GKAP1: variants seen among roughly 807,000 people sequenced by gnomAD.
The protein encoded by GKAP1 is G kinase-anchoring protein 1.
In GKAP1, 31 loss-of-function variants were observed where a neutral mutation model predicts 56.7. That is an observed-to-expected ratio of 0.55 (90% CI 0.41 to 0.74). The LOEUF is 0.74. Ranked by LOEUF, GKAP1 falls within the 30% of genes least tolerant of loss-of-function variation. The pLI, the probability that GKAP1 is intolerant of heterozygous loss-of-function variation, is 0.00. For missense variants in GKAP1, 364 were observed against 402.3 expected (o/e 0.90, Z 0.82); for synonymous variants, 151 against 138.6 (o/e 1.09, Z -0.63).
chr9:83,768,345 T>G (rs1463040546), intron 8 of GKAP1, among the ~76,000 whole-genome samples: 4 of 152,144 alleles, frequency 2.6e-5, no homozygotes, highest in Non-Finnish European at 4.4e-5. Context: ...CTATTCATAC[T>G]CCATCCCAAA....
intron 8 of GKAP1, among the ~76,000 whole-genome samples, chr9:83,762,158 A>G (rs1021308194): frequency 3.3e-5 from 5 of 152,166 alleles, no homozygotes; most frequent in African/African-American, 1.2e-4. Context: ...GGAAAAACCT[A>G]AAGGCTCCAC....
chr9:83,811,481 AAAAC>A (rs1944505177), intron 2 of GKAP1, among the ~76,000 whole-genome samples: 1 of 152,238 alleles, frequency 6.6e-6, no homozygotes, highest in African/African-American at 2.4e-5. Context: ...AAGAAGTAAC[AAAAC>A]AAACACAAAG....
chr9:83,814,969 C>G (rs193123313), intron 2 of GKAP1, among the ~76,000 whole-genome samples: 250 of 152,014 alleles, frequency 1.6e-3, no homozygotes, highest in Admixed American at 3.3e-3. Flanking sequence ...GTCAAGAGAT[C>G]GAGACCATCC....
chr9:83,792,460 C>CA (rs1944176472), intron 4 of GKAP1, among the ~76,000 whole-genome samples: 3 of 152,252 alleles, frequency 2.0e-5, no homozygotes, highest in Admixed American at 2.0e-4. Flanking sequence ...ATTGTAATCT[C>CA]AGACAGCATA....
In GKAP1 at chr9:83,806,498, C is replaced by G; in HGVS notation, c.20G>C (p.Ser7Thr). Reference protein sequence around the residue: MASAVLSSVPTTASRFA... With the variant: MASAVLTSVPTTASRFA... ...ACGAGAAGCGGTGGTGGGAACAGAACTAAGTACTGCTGAGGCCATCGTAAA... is the reference window on the plus strand; with the variant it reads ...ACGAGAAGCGGTGGTGGGAACAGAAGTAAGTACTGCTGAGGCCATCGTAAA... Residue 7 changes from serine (S) to threonine (T), a missense_variant, in exon 3 of 13, where the codon AGT becomes ACT. By Grantham distance (58) the Ser-to-Thr change is moderately conservative. Coordinates refer to ENST00000376371, the MANE Select transcript of GKAP1 (RefSeq NM_025211.4). 4 of 1,613,988 alleles carry G rather than the reference C, an allele frequency of 2.5e-6. No homozygotes were observed. Among genetic ancestry groups the G allele is most frequent in the Non-Finnish European group, 3.4e-6 (4 of 1,179,940 alleles).
chr9:83,809,087 C>T (rs2131326442), intron 2 of GKAP1, among the ~76,000 whole-genome samples: 1 of 152,288 alleles, frequency 6.6e-6, no homozygotes, highest in East Asian at 1.9e-4. Flanking sequence ...AAGACTTACA[C>T]CTTACACAAA....
At position 83,814,545 on chromosome 9, in the gene GKAP1, C is replaced by T. The variant is rs143866893; in HGVS notation, c.-44+2451G>A. On this transcript the variant is annotated intron_variant, in intron 2 of 12. Transcript: ENST00000376371. ...ATTCTCTTTATTGTTGTGCCTAGCCCCTATGATCCTGATTTCAAGATCCTG... is the reference window on the plus strand; with the variant it reads ...ATTCTCTTTATTGTTGTGCCTAGCCTCTATGATCCTGATTTCAAGATCCTG... Among the ~76,000 whole-genome samples, 1,212 of 152,230 alleles carry T rather than the reference C, an allele frequency of 8.0e-3. 29 individuals carry two copies. Among genetic ancestry groups the T allele is most frequent in the East Asian group, 0.037 (191 of 5,188 alleles).
intron 2 of GKAP1, among the ~76,000 whole-genome samples, chr9:83,810,188 A>T (rs915062814): frequency 5.3e-5 from 8 of 152,250 alleles, no homozygotes; most frequent in Admixed American, 6.5e-5. Context: ...ATTTAAAAAT[A>T]ATTCCAACTG....
Position 83,739,657 on chromosome 9 carries a change from G to C in GKAP1, c.*40C>G. The C allele has an allele frequency of 6.5e-7, 1 of 1,549,132 alleles. No homozygotes were observed. The highest frequency in any genetic ancestry group is 2.3e-5 in the East Asian group (1 of 44,440). ...ATATATACAACTTTGCAAAATCCTG[G>C]AAGTTTTAAACTTTGTGTTGACTTC... On this transcript the variant is annotated 3_prime_UTR_variant, in exon 13 of 13. Coordinates refer to ENST00000376371, the MANE Select transcript of GKAP1 (RefSeq NM_025211.4).
chr9:83,741,573 C>A (rs987690933), intron 12 of GKAP1, among the ~76,000 whole-genome samples: 2 of 151,942 alleles, frequency 1.3e-5, no homozygotes, highest in East Asian at 1.9e-4. Flanking sequence ...TAAAGTATCA[C>A]CTCACATATT....
At chr9:83,785,053 T>C (rs192588369) in intron 5 of GKAP1, among the ~76,000 whole-genome samples, 250 of 152,286 alleles carry the variant, frequency 1.6e-3, no homozygotes, top group African/African-American at 5.8e-3. Context: ...AAAAAAGTCA[T>C]ACCTTGGCCT....
chr9:83,802,159 AG>A (rs1944341003), intron 3 of GKAP1, among the ~76,000 whole-genome samples: 1 of 152,198 alleles, frequency 6.6e-6, no homozygotes, highest in Non-Finnish European at 1.5e-5. Context: ...CTAGGAAAAA[AG>A]GGCCTTCCAT....
intron 7 of GKAP1, among the ~76,000 whole-genome samples, chr9:83,770,477 C>A (rs1943738561): frequency 6.6e-6 from 1 of 152,098 alleles, no homozygotes; most frequent in Non-Finnish European, 1.5e-5. Context: ...TAATCCTATT[C>A]TATCAATCTG....
chr9:83,804,506 CCCG>C, intron 3 of GKAP1, among the ~76,000 whole-genome samples: 1 of 84,170 alleles, frequency 1.2e-5, no homozygotes, highest in South Asian at 4.0e-4. Flanking sequence ...GGCCAGCCGC[CCCG>C]TCCGGGAGGG....
At chr9:83,776,757 A>C (rs1374307333) in intron 7 of GKAP1, among the ~76,000 whole-genome samples, 4 of 152,116 alleles carry the variant, frequency 2.6e-5, no homozygotes, top group Non-Finnish European at 4.4e-5. Context: ...AATAGGGTTC[A>C]TTTTTTTAGC....
rs556121126 is a variant in GKAP1, at chr9:83,767,723, T to G, written c.738+1095A>C. 2.0e-5 allele frequency among the ~76,000 whole-genome samples: 3 copies of G among 152,318 alleles called. No individual in the cohort carries two copies. In the South Asian group the frequency reaches 6.2e-4, roughly 32 times the overall value. ...TTAATTTTGAAACACAGTCTTGCTC[T>G]GTCACCCAGACTGGAGTGCAGTGGC... On this transcript the variant is annotated intron_variant, in intron 8 of 12. Coordinates refer to ENST00000376371, the MANE Select transcript of GKAP1 (RefSeq NM_025211.4).
chr9:83,765,412 C>G (rs755389437), intron 8 of GKAP1, among the ~76,000 whole-genome samples: 1 of 152,200 alleles, frequency 6.6e-6, no homozygotes, highest in Non-Finnish European at 1.5e-5. Flanking sequence ...AATGTGGGGT[C>G]AAGAGCCCCC....
intron 8 of GKAP1, among the ~76,000 whole-genome samples, chr9:83,758,549 A>G (rs1286729537): frequency 6.6e-6 from 1 of 152,098 alleles, no homozygotes; most frequent in Non-Finnish European, 1.5e-5. Flanking sequence ...CCTGGCCAAC[A>G]TGGCAAAATC....
chr9:83,815,654 G>A (rs769584635), intron 2 of GKAP1, among the ~76,000 whole-genome samples: 1 of 151,974 alleles, frequency 6.6e-6, no homozygotes, highest in Non-Finnish European at 1.5e-5. Context: ...CTTTTTATGA[G>A]ATGAATGATA....
Sources: allele counts gnomAD v4.1 joint callset (sites outside exome capture counted in the v4.1 genomes callset), GRCh38; gene constraint gnomAD v4.1.1; transcripts MANE v1.5; gene names NCBI Gene and HGNC (gene_info 2026-07-23, HGNC 2026-07-21).